The following MNS1 variants were observed in gnomAD, a reference collection of about 807,000 sequenced individuals.
MNS1 encodes meiosis specific nuclear structural 1.
In MNS1, 63 loss-of-function variants were observed where a neutral mutation model predicts 72.0. That is an observed-to-expected ratio of 0.87 (90% CI 0.71 to 1.08). The LOEUF is 1.08. MNS1 is among the 50% of genes least tolerant of loss of function. The pLI is 0.00. For synonymous variants in MNS1, 188 were observed against 172.1 expected, an observed-to-expected ratio of 1.09 and a Z score of -0.72; for missense variants, 604 against 562.4, an observed-to-expected ratio of 1.07 and a Z score of -0.75.
At chr15:56,462,361 C>T (rs943182806) in intron 2 of MNS1, among the ~76,000 whole-genome samples, 4 of 152,158 alleles carry the variant, frequency 2.6e-5, no homozygotes, top group African/African-American at 9.7e-5. Flanking sequence ...ATACTGGCAT[C>T]ACTAAAAGTG....
At position 56,443,488 on chromosome 15, in the gene MNS1, T is replaced by C; in HGVS notation, c.953A>G (p.Gln318Arg). The change falls in exon 7 of 10, where the codon CAA becomes CGA. Residue 318 changes from glutamine (Q) to arginine (R), a missense_variant. Transcript: ENST00000260453. Reference sequence around the variant, plus strand: ...TTCCTGGTATAATTCTTGTCGCACTTGTTCCAAATCTTCACGTTGCCGCAG... The same window carrying C: ...TTCCTGGTATAATTCTTGTCGCACTCGTTCCAAATCTTCACGTTGCCGCAG... Reference protein sequence around the residue: ...EMLRQREDLEQVRQELYQEEQ... With the variant: ...EMLRQREDLERVRQELYQEEQ... The C allele has an allele frequency of 6.2e-7, 1 of 1,600,710 alleles. No individual in the cohort carries two copies. Among genetic ancestry groups the C allele is most frequent in the South Asian group, 1.2e-5 (1 of 86,600 alleles).
intron 7 of MNS1, among the ~76,000 whole-genome samples, chr15:56,440,081 C>A (rs1275905265): frequency 6.6e-6 from 1 of 151,942 alleles, no homozygotes; most frequent in Non-Finnish European, 1.5e-5. Flanking sequence ...AACAAACAAC[C>A]CAATTAGAGA....
At chr15:56,456,182 T>C (rs1316617554) in intron 3 of MNS1, among the ~76,000 whole-genome samples, 1 of 152,150 alleles carries the variant, frequency 6.6e-6, no homozygotes, top group African/African-American at 2.4e-5. Flanking sequence ...GGGACTGATA[T>C]TTATTTTTCA....
chr15:56,445,178 G>A (rs1286702278), intron 4 of MNS1, among the ~76,000 whole-genome samples: 4 of 151,834 alleles, frequency 2.6e-5, no homozygotes, highest in Non-Finnish European at 1.5e-5. Context: ...GGCCCTTGAC[G>A]TTTCCCCTTT....
chr15:56,432,179 A>G (rs1348742319), intron 8 of MNS1, among the ~76,000 whole-genome samples: 3 of 152,196 alleles, frequency 2.0e-5, no homozygotes, highest in African/African-American at 4.8e-5. Flanking sequence ...ATTTTTGTCC[A>G]ATGGTAGAGT....
At chr15:56,451,170 G>T (rs1165192478) in intron 3 of MNS1, among the ~76,000 whole-genome samples, 1 of 152,140 alleles carries the variant, frequency 6.6e-6, no homozygotes, top group East Asian at 1.9e-4. Flanking sequence ...AATGAGTTCT[G>T]AGTGAGGTAA....
intron 9 of MNS1, chr15:56,429,740 A>G (rs2050517740): frequency 1.3e-5 from 2 of 152,336 alleles, no homozygotes; most frequent in Admixed American, 1.3e-4. Context: ...TTAAAACAAA[A>G]TTAAATATTT....
rs776057411 is a variant in MNS1 at position 56,456,379 on chromosome 15, G to A, written c.353+15C>T. ...ATAAAGACTAAATAAATGAAATTTA[G>A]AGAAACCAAGATACCTGTTTTCTCT... On this transcript the variant is annotated intron_variant, in intron 3 of 9. Coordinates refer to ENST00000260453, the MANE Select transcript of MNS1 (RefSeq NM_018365.4). 1.3e-6 allele frequency: 2 copies of A among 1,591,346 alleles called. No individual in the cohort carries two copies. The highest frequency in any genetic ancestry group is 2.7e-5 in the African/African-American group (2 of 73,112).
At chr15:56,456,105 C>G (rs2050980016) in intron 3 of MNS1, among the ~76,000 whole-genome samples, 1 of 152,016 alleles carries the variant, frequency 6.6e-6, no homozygotes, top group South Asian at 2.1e-4. Context: ...TAAGGTTTCT[C>G]TTAAGATTAG....
At chr15:56,437,829 G>A (rs1382097242) in intron 7 of MNS1, among the ~76,000 whole-genome samples, 3 of 151,980 alleles carry the variant, frequency 2.0e-5, no homozygotes, top group African/African-American at 2.4e-5. Context: ...ATAACAGACA[G>A]ACAGAGAGCC....
intron 2 of MNS1, 56 bp from the exon 3 acceptor site, chr15:56,456,577 A>G: frequency 6.4e-7 from 1 of 1,573,256 alleles, no homozygotes; most frequent in Non-Finnish European, 8.6e-7. Flanking sequence ...TTTTTTCATC[A>G]AGGTTGAATT....
intron 9 of MNS1, chr15:56,430,163 TCTTA>T (rs2050539419): frequency 6.6e-6 from 1 of 152,110 alleles, no homozygotes. Context: ...AAGATGGCGA[TCTTA>T]TTTATATGAG....
intron 2 of MNS1, among the ~76,000 whole-genome samples, chr15:56,457,267 C>T (rs2050987426): frequency 6.6e-6 from 1 of 152,024 alleles, no homozygotes; most frequent in African/African-American, 2.4e-5. Context: ...TTTTATATTT[C>T]CTGTAAAAAT....
chr15:56,457,985 G>A (rs1165608759), intron 2 of MNS1, among the ~76,000 whole-genome samples: 1 of 152,130 alleles, frequency 6.6e-6, no homozygotes, highest in Admixed American at 6.5e-5. Context: ...CCTTCATCAT[G>A]TGAGTGGTCA....
chr15:56,438,399 G>C (rs1178418166), intron 7 of MNS1, among the ~76,000 whole-genome samples: 2 of 151,894 alleles, frequency 1.3e-5, no homozygotes, highest in African/African-American at 4.8e-5. Context: ...AGGGAAAGGA[G>C]TCCCTGTTTA....
At chr15:56,450,882 T>G (rs942623001) in intron 3 of MNS1, among the ~76,000 whole-genome samples, 2 of 152,208 alleles carry the variant, frequency 1.3e-5, no homozygotes, top group Non-Finnish European at 2.9e-5. Context: ...TTTCCCACTT[T>G]CTTGGCAATA....
At chr15:56,435,523 A>T (rs908657146) in intron 7 of MNS1, among the ~76,000 whole-genome samples, 24 of 152,020 alleles carry the variant, frequency 1.6e-4, no homozygotes, top group African/African-American at 5.1e-4. Flanking sequence ...CAAAAGGATA[A>T]TACAGGAATA....
intron 7 of MNS1, among the ~76,000 whole-genome samples, chr15:56,436,715 C>G (rs1464863567): frequency 6.6e-6 from 1 of 152,050 alleles, no homozygotes; most frequent in Non-Finnish European, 1.5e-5. Context: ...GCTAGCAAGA[C>G]TCATAACAAA....
intron 8 of MNS1, 72 bp from the exon 9 acceptor site, chr15:56,431,570 T>G: frequency 2.7e-6 from 4 of 1,482,000 alleles, no homozygotes; most frequent in Non-Finnish European, 3.7e-6. Flanking sequence ...ATAAAACTAC[T>G]CATGCAATGA....
Sources: gnomAD v4.1 joint callset for allele counts (sites outside exome capture counted in the v4.1 genomes callset) on GRCh38, gnomAD v4.1.1 for gene constraint, MANE v1.5 for transcripts, NCBI Gene and HGNC (gene_info 2026-07-23, HGNC 2026-07-21) for gene names.